Variants in TESMIN observed in about 807,000 individuals in gnomAD.
TESMIN encodes testis expressed metallothionein like protein, also known as CXC domain containing 2.
Under a neutral mutation model 47.4 loss-of-function variants are expected in TESMIN, and 34 were observed. That is an observed-to-expected ratio of 0.72 (90% CI 0.55 to 0.96). TESMIN has a LOEUF of 0.96. Ranked by LOEUF, TESMIN falls within the 40% of genes least tolerant of loss-of-function variation. The probability of loss-of-function intolerance (pLI) is 0.00; values close to 1 mark genes in which losing one functional copy is unlikely to be tolerated. For synonymous variants in TESMIN, 278 were observed against 258.9 expected, an observed-to-expected ratio of 1.07 and a Z score of -0.71; for missense variants, 610 against 637.2, an observed-to-expected ratio of 0.96 and a Z score of 0.46.
intron 3 of TESMIN, 102 bp from the exon 4 acceptor site, chr11:68,745,213 G>T: frequency 1.0e-6 from 1 of 991,674 alleles, no homozygotes. Context: ...TAATCCAGAA[G>T]TTACATTTTA....
chr11:68,740,172 G>A (rs1024054742), intron 5 of TESMIN, among the ~76,000 whole-genome samples: 1 of 152,046 alleles, frequency 6.6e-6, no homozygotes, highest in African/African-American at 2.4e-5. Flanking sequence ...TCTGATTCAG[G>A]GGGTCTGAAT....
rs139971161 is a variant in TESMIN, at chr11:68,713,282, G to A, written c.1146C>T (p.Cys382=). Residue 382 remains cysteine, a synonymous_variant, in exon 8 of 10, where the codon TGC becomes TGT. Transcript: ENST00000255087. Reference sequence around the variant, plus strand: ...GCTGGGCACTAACCTCATAGCACTCGCAGTAATTCTTCAGGCAGCCTGACC... The same window carrying A: ...GCTGGGCACTAACCTCATAGCACTCACAGTAATTCTTCAGGCAGCCTGACC... ...CRRSGCLKNY[C]ECYEAQIMCS... is the part of the protein sequence containing the mutation. 15 of 1,613,956 alleles carry A rather than the reference G, an allele frequency of 9.3e-6. No homozygotes were observed. The African/African-American group carries it at 1.7e-4, about 19-fold the overall frequency.
chr11:68,740,599 C>T (rs1946444763), intron 5 of TESMIN, among the ~76,000 whole-genome samples: 1 of 152,182 alleles, frequency 6.6e-6, no homozygotes, highest in African/African-American at 2.4e-5. Flanking sequence ...CTATGAGGTT[C>T]CAACACAGAC....
intron 6 of TESMIN, among the ~76,000 whole-genome samples, chr11:68,730,772 GC>G (rs1946317745): frequency 6.7e-6 from 1 of 149,866 alleles, no homozygotes; most frequent in Admixed American, 6.6e-5. Context: ...TCCAGCCTGG[GC>G]CGACAACAGC....
At chr11:68,731,259 C>T (rs763888557) in intron 6 of TESMIN, among the ~76,000 whole-genome samples, 1 of 152,078 alleles carries the variant, frequency 6.6e-6, no homozygotes, top group Non-Finnish European at 1.5e-5. Flanking sequence ...CATGCCATCG[C>T]TAAAAACAAA....
intron 6 of TESMIN, chr11:68,738,450 G>A (rs1406977697): frequency 5.5e-6 from 7 of 1,281,116 alleles, no homozygotes; most frequent in Non-Finnish European, 7.0e-6. Context: ...ACCAACATAG[G>A]ACAGCGGACA....
intron 2 of TESMIN, among the ~76,000 whole-genome samples, chr11:68,747,816 G>A (rs1295533588): frequency 6.6e-6 from 1 of 152,142 alleles, no homozygotes; most frequent in Non-Finnish European, 1.5e-5. Context: ...TGCCAGCTTT[G>A]TGTTCAAGCT....
chr11:68,750,491 G>A lies in TESMIN; in HGVS notation c.170C>T (p.Ala57Val), dbSNP rs368502367. 7.5e-6 allele frequency: 12 copies of A among 1,601,748 alleles called. No individual in the cohort carries two copies. In the East Asian group the frequency reaches 1.1e-4, roughly 15 times the overall value. The change falls in exon 2 of 10, where the codon GCG becomes GTG. Residue 57 changes from alanine (A) to valine (V), a missense_variant. Ala to Val is a moderately conservative substitution (Grantham distance 64). Transcript: ENST00000255087. ...GTGCAGGACGGGTTCCTTGGGGTCC[G>A]CCGGGCCCAGGTACGCTTCTTTGAA... ...HVFKEAYLGP[A>V]DPKEPVLHAF...
At chr11:68,734,619 G>A (rs1268387008) in intron 6 of TESMIN, among the ~76,000 whole-genome samples, 1 of 152,212 alleles carries the variant, frequency 6.6e-6, no homozygotes, top group African/African-American at 2.4e-5. Flanking sequence ...TGCTCTTTGA[G>A]GTCATGTACA....
intron 5 of TESMIN, among the ~76,000 whole-genome samples, chr11:68,739,069 A>G (rs1457278532): frequency 1.3e-5 from 2 of 152,140 alleles, no homozygotes; most frequent in African/African-American, 4.8e-5. Context: ...CATAGCTGTC[A>G]CTCAGCTGGC....
At chr11:68,734,276 C>A (rs1044868433) in intron 6 of TESMIN, among the ~76,000 whole-genome samples, 1 of 152,104 alleles carries the variant, frequency 6.6e-6, no homozygotes, top group Non-Finnish European at 1.5e-5. Flanking sequence ...CTGCATTTGG[C>A]GATTAGCTCA....
At chr11:68,705,123 G>C (rs922736318), downstream of TESMIN, among the ~76,000 whole-genome samples, 2 of 152,184 alleles carry the variant, frequency 1.3e-5, no homozygotes, top group Admixed American at 1.3e-4. Flanking sequence ...GCAGCACGGA[G>C]ACCGCACAGC....
rs556009193 is a variant in TESMIN, at chr11:68,745,981, C to G, written c.631-870G>C. Among the ~76,000 whole-genome samples, 25 of 152,328 alleles carry G rather than the reference C, an allele frequency of 1.6e-4. No homozygotes were observed. In the South Asian group the frequency reaches 5.2e-3, roughly 32 times the overall value. ...CTACACAGAGCAGCTGTGCTTTATA[C>G]ACTTAAGTTGCTTATAATCTAGATA... On this transcript the variant is annotated intron_variant, in intron 3 of 9. Coordinates refer to ENST00000255087, the MANE Select transcript of TESMIN (RefSeq NM_004923.3).
Position 68,708,010 on chromosome 11 carries a change from C to T in TESMIN, c.*298G>A. ...CCCGCTCTGCCCTTCGCAGGGCCTG[C>T]TGTGCCCTCCCCTGCCCTGCTCTGC... On this transcript the variant is annotated 3_prime_UTR_variant, in exon 10 of 10. Coordinates refer to ENST00000255087, the MANE Select transcript of TESMIN (RefSeq NM_004923.3). The T allele has an allele frequency of 2.2e-6, 1 of 451,904 alleles. No homozygotes were observed. The highest frequency in any genetic ancestry group is 4.2e-6 in the Non-Finnish European group (1 of 238,148). 28.0% of individuals were successfully genotyped at this position (451,904 alleles called of 1,614,324 possible).
rs1396397315 is a variant in TESMIN, at chr11:68,719,486, C to T, written c.918-3547G>A. Among the ~76,000 whole-genome samples the T allele has an allele frequency of 3.3e-5, 5 of 152,220 alleles. No homozygotes were observed. The East Asian group carries it at 9.6e-4, about 29-fold the overall frequency. ...GTGGGAGAGGAAATAAAGCTAAATCCACATTTCCCACAGTACAAAAACAAT... is the reference window on the plus strand; with the variant it reads ...GTGGGAGAGGAAATAAAGCTAAATCTACATTTCCCACAGTACAAAAACAAT... On this transcript the variant is annotated intron_variant, in intron 6 of 9. Transcript: ENST00000255087.
At position 68,708,443 on chromosome 11, in the gene TESMIN, A is replaced by G; in HGVS notation, c.1392T>C (p.Leu464=). Residue 464 remains leucine (L), a synonymous_variant, in exon 10 of 10, where the codon CTT becomes CTC. Transcript: ENST00000255087. ...EVVEATCACL[L]AQGEEAEKEH... is the part of the protein sequence containing the mutation. ...CTTTCTCGGCCTCTTCTCCCTGAGC[A>G]AGCAGGCAGGCGCATGTGGCCTCCA... 1 of 1,614,124 alleles carries G rather than the reference A, an allele frequency of 6.2e-7. No individual in the cohort carries two copies. The highest frequency in any genetic ancestry group is 1.1e-5 in the South Asian group (1 of 91,078).
chr11:68,737,786 G>A lies in TESMIN; in HGVS notation c.917+914C>T, dbSNP rs553267001. On this transcript the variant is annotated intron_variant, in intron 6 of 9. Transcript: ENST00000255087. The stretch of plus-strand genomic sequence containing the variant: ...AAATTAGCCTGGTATAGTGGTATGC[G>A]CCTGTGGTCCCAGCTACTCGGGAGG... 3.7e-5 allele frequency: 28 copies of A among 760,652 alleles called. No individual in the cohort carries two copies. The East Asian group carries it at 6.4e-4, about 17-fold the overall frequency. The allele number at this position is 760,652 out of a possible 1,614,324, so 47.1% of individuals were successfully genotyped here. A position where few individuals can be genotyped will look rare whatever the true frequency, so the allele number is the denominator to read the frequency against.
At position 68,750,657 on chromosome 11, in the gene TESMIN, C is replaced by A; in HGVS notation, c.4G>T (p.Glu2Ter). ...AGCCCGCCCGGCAGAGGGCCCTCCT[C>A]CATGGCGCAGGGCGGCGGGGCGGGA... The part of the protein sequence containing the change: M[E>*]EGPLPGGLPS... The change falls in exon 2 of 10, where the codon GAG becomes TAG. Residue 2 changes from glutamate (E) to a stop codon, truncating the protein, a stop_gained. Transcript: ENST00000255087. LOFTEE classifies it high-confidence loss of function. The A allele has an allele frequency of 6.5e-7, 1 of 1,541,366 alleles. No homozygotes were observed.
chr11:68,751,119 A>C (rs1249828744), intron 1 of TESMIN, among the ~76,000 whole-genome samples: 1 of 76,538 alleles, frequency 1.3e-5, no homozygotes, highest in African/African-American at 5.4e-5. Flanking sequence ...GGAGGGAGTC[A>C]GGGGAGGGGC....
Sources: allele counts gnomAD v4.1 joint callset (sites outside exome capture counted in the v4.1 genomes callset), GRCh38; gene constraint gnomAD v4.1.1; transcripts MANE v1.5; gene names NCBI Gene and HGNC (gene_info 2026-07-23, HGNC 2026-07-21).